ZBTB40: variants seen among roughly 807,000 people sequenced by gnomAD.
ZBTB40 encodes zinc finger and BTB domain containing 40.
In ZBTB40, 60 loss-of-function variants were observed where a neutral mutation model predicts 117.5. The observed-to-expected ratio is 0.51, with a 90% CI of 0.41 to 0.63. The LOEUF (loss-of-function observed/expected upper bound fraction) is 0.63. Ranked by LOEUF, ZBTB40 falls within the 30% of genes least tolerant of loss-of-function variation. The pLI is 0.00. For missense variants in ZBTB40, 1,287 were observed against 1,498.5 expected, an observed-to-expected ratio of 0.86 and a Z score of 2.33; for synonymous variants, 525 against 577.1, an observed-to-expected ratio of 0.91 and a Z score of 1.29.
rs566479703 is a variant in ZBTB40 at position 22,487,551 on chromosome 1, TTC to T, written c.-69-2323_-69-2322del. On this transcript the variant is annotated intron_variant, in intron 1 of 17. Coordinates refer to ENST00000375647, the MANE Select transcript of ZBTB40 (RefSeq NM_014870.4). ...ACCAAGCCAGGAACCTGGGAATTGT[TTC>T]TCTCTGTCCTTCACATCCATTCAGT... Among the ~76,000 whole-genome samples, 1,296 of 152,226 alleles carry T rather than the reference TTC, an allele frequency of 8.5e-3. 22 individuals carry two copies. The highest frequency in any genetic ancestry group is 0.029 in the African/African-American group (1,194 of 41,538).
At chr1:22,434,798 T>C (rs995334117) in intron 1 of ZBTB40, among the ~76,000 whole-genome samples, 4 of 152,200 alleles carry the variant, frequency 2.6e-5, no homozygotes, top group Non-Finnish European at 4.4e-5. Context: ...ATTTTAACTG[T>C]TGAAGCTTTA....
At chr1:22,441,980 C>T (rs1256690299) in intron 1 of ZBTB40, among the ~76,000 whole-genome samples, 1 of 151,996 alleles carries the variant, frequency 6.6e-6, no homozygotes, top group Non-Finnish European at 1.5e-5. Flanking sequence ...CATTTTCATT[C>T]TTCTCTAAGT....
intron 3 of ZBTB40, among the ~76,000 whole-genome samples, chr1:22,494,301 T>G (rs566092880): frequency 1.3e-5 from 2 of 152,356 alleles, no homozygotes; most frequent in East Asian, 3.9e-4. Flanking sequence ...CTTCCTAAAC[T>G]GCAAGGGCAG....
Position 22,511,814 on chromosome 1 carries a change from C to T in ZBTB40, c.2141C>T (p.Thr714Ile), listed in dbSNP as rs150991650. The change falls in exon 11 of 18, where the codon ACT becomes ATT. Residue 714 changes from threonine to isoleucine, a missense_variant. By Grantham distance (89) the Thr-to-Ile change is moderately conservative. Transcript: ENST00000375647. ...GGGGAACAGAATGATCAAGGAGAGA[C>T]TGGTTCCTTGCCAGGACAGCAAGAG... ...QPGEQNDQGE[T>I]GSLPGQQEKE... 6.2e-7 allele frequency: 1 copy of T among 1,614,150 alleles called. No homozygotes were observed.
chr1:22,520,001 G>A, intron 13 of ZBTB40, 60 bp from the exon 14 acceptor site: 1 of 1,468,346 alleles, frequency 6.8e-7, no homozygotes, highest in Non-Finnish European at 9.5e-7. Flanking sequence ...ACTGATGGCT[G>A]CCTATGGTGT....
At chr1:22,452,194 C>T (rs1397102751) in intron 1 of ZBTB40, among the ~76,000 whole-genome samples, 190 bp downstream of exon 1, 1 of 152,158 alleles carries the variant, frequency 6.6e-6, no homozygotes, top group Non-Finnish European at 1.5e-5. Context: ...CCCCTGGCGC[C>T]GGCTCTGCTG....
chr1:22,489,880 G>A lies in ZBTB40; in HGVS notation c.-69G>A, dbSNP rs1569833505. 5.4e-6 allele frequency: 8 copies of A among 1,488,514 alleles called. No homozygotes were observed. The highest frequency in any genetic ancestry group is 7.4e-6 in the Non-Finnish European group (8 of 1,079,092). The allele number at this position is 1,488,514 out of a possible 1,614,324, so 92.2% of individuals were successfully genotyped here. ...CCTGGTATTTTGTGGGTTTCTCTAG[G>A]GCCTGTCCTCCCAAAGCCAACTCTA... On this transcript the variant is annotated splice_region_variant and 5_prime_UTR_variant, in exon 2 of 18. Transcript: ENST00000375647.
At chr1:22,479,875 A>T (rs1292629592) in intron 1 of ZBTB40, among the ~76,000 whole-genome samples, 1 of 152,010 alleles carries the variant, frequency 6.6e-6, no homozygotes, top group African/African-American at 2.4e-5. Context: ...CCATTGATGG[A>T]TTTCAGTGAC....
chr1:22,503,400 T>C (rs910399910), intron 5 of ZBTB40, among the ~76,000 whole-genome samples: 6 of 151,486 alleles, frequency 4.0e-5, no homozygotes, highest in Non-Finnish European at 8.8e-5. Context: ...ATTTCAACTT[T>C]GTGCTAAAAA....
chr1:22,484,087 C>T (rs186898138), intron 1 of ZBTB40, among the ~76,000 whole-genome samples: 21 of 152,312 alleles, frequency 1.4e-4, no homozygotes, highest in African/African-American at 4.8e-4. Context: ...TCTGGGCTTT[C>T]TGTTCTGTTC....
intron 12 of ZBTB40, among the ~76,000 whole-genome samples, chr1:22,516,786 T>C (rs764537810): frequency 5.3e-5 from 8 of 152,320 alleles, no homozygotes; most frequent in Non-Finnish European, 1.2e-4. Context: ...TCTTTGGCAG[T>C]CTGGTCATTA....
At chr1:22,510,647 A>G (rs913294604) in intron 9 of ZBTB40, among the ~76,000 whole-genome samples, 1 of 152,230 alleles carries the variant, frequency 6.6e-6, no homozygotes, top group Non-Finnish European at 1.5e-5. Context: ...TAAAGCTTCT[A>G]TTTGAACCTT....
intron 1 of ZBTB40, among the ~76,000 whole-genome samples, chr1:22,477,064 G>A (rs1315900577): frequency 6.6e-6 from 1 of 152,188 alleles, no homozygotes; most frequent in Non-Finnish European, 1.5e-5. Flanking sequence ...GTTGGGACAT[G>A]AGCAAAATAT....
At chr1:22,454,248 C>T (rs538077699) in intron 1 of ZBTB40, among the ~76,000 whole-genome samples, 4 of 152,340 alleles carry the variant, frequency 2.6e-5, no homozygotes, top group East Asian at 1.9e-4. Flanking sequence ...CCATCGCGCC[C>T]GGCCTCGAAC....
intron 1 of ZBTB40, among the ~76,000 whole-genome samples, chr1:22,429,927 C>T (rs1640555947): frequency 6.6e-6 from 1 of 152,054 alleles, no homozygotes; most frequent in Non-Finnish European, 1.5e-5. Context: ...CCCCGGGAGG[C>T]GGAGGGTTGC....
intron 3 of ZBTB40, among the ~76,000 whole-genome samples, chr1:22,492,969 T>C (rs1212026327): frequency 6.6e-6 from 1 of 152,226 alleles, no homozygotes; most frequent in Non-Finnish European, 1.5e-5. Context: ...TCCACTTAAC[T>C]TTGGCTACAG....
intron 1 of ZBTB40, among the ~76,000 whole-genome samples, chr1:22,471,197 C>T (rs1641395233): frequency 6.6e-6 from 1 of 152,032 alleles, no homozygotes. Context: ...AGCCAGCCAG[C>T]TGGCCTATTC....
At chr1:22,434,556 AT>A (rs746455416) in intron 1 of ZBTB40, among the ~76,000 whole-genome samples, 28 of 152,138 alleles carry the variant, frequency 1.8e-4, no homozygotes, top group Non-Finnish European at 3.4e-4. Context: ...AATGTCTACA[AT>A]TTTTTAGCTT....
chr1:22,502,564 C>T (rs926015910), intron 5 of ZBTB40, 123 bp downstream of exon 5: 17 of 1,335,872 alleles, frequency 1.3e-5, no homozygotes, highest in Non-Finnish European at 1.5e-5. Flanking sequence ...GTAAGCATCT[C>T]GAAGTCAAGG....
Sources: gnomAD v4.1 joint callset for allele counts (sites outside exome capture counted in the v4.1 genomes callset) on GRCh38, gnomAD v4.1.1 for gene constraint, MANE v1.5 for transcripts, NCBI Gene and HGNC (gene_info 2026-07-23, HGNC 2026-07-21) for gene names.